Variants in NSD1 observed in about 807,000 individuals in gnomAD.
The protein encoded by NSD1 is histone-lysine N-methyltransferase, H3 lysine-36 specific.
A neutral mutation model predicts 242.7 loss-of-function variants in NSD1; 26 were observed. The observed-to-expected ratio is 0.11, with a 90% CI of 0.08 to 0.15. NSD1 has a LOEUF of 0.15. Among genes scored for constraint, NSD1 ranks in the 10% least tolerant of loss-of-function variants. The pLI, the probability that NSD1 is intolerant of heterozygous loss-of-function variation, is 1.00. For missense variants in NSD1, 2,495 were observed against 3,272.8 expected (o/e 0.76, Z 5.80); for synonymous variants, 1,106 against 1,178.1 (o/e 0.94, Z 1.25).
chr5:177,266,577 G>T, intron 14 of NSD1: 1 of 674,728 alleles, frequency 1.5e-6, no homozygotes, highest in Non-Finnish European at 2.2e-6. Context: ...TCACGACCTC[G>T]GCGGCCGCCA....
chr5:177,256,988 A>T lies in NSD1; in HGVS notation c.4803A>T (p.Glu1601Asp). ...HTCFVCKQSG[E>D]DVKRCLLPLC... The stretch of plus-strand genomic sequence containing the variant: ...GTTTTGTATGTAAGCAGAGTGGGGA[A>T]GATGTTAAAAGGTGCCTTCTACCCT... Residue 1601 changes from glutamate (E) to aspartate (D), a missense_variant, in exon 13 of 23, where the codon GAA becomes GAT. Coordinates refer to ENST00000439151, the MANE Select transcript of NSD1 (RefSeq NM_022455.5). 6.2e-7 allele frequency: 1 copy of T among 1,614,120 alleles called. No individual in the cohort carries two copies. Among genetic ancestry groups the T allele is most frequent in the Non-Finnish European group, 8.5e-7 (1 of 1,180,006 alleles).
chr5:177,253,024 A>G (rs1185485361), intron 12 of NSD1, among the ~76,000 whole-genome samples: 1 of 152,108 alleles, frequency 6.6e-6, no homozygotes, highest in Non-Finnish European at 1.5e-5. Context: ...GAGCTAGTCA[A>G]TATCTCTGAA....
chr5:177,139,827 G>C (rs1336079247), intron 2 of NSD1, among the ~76,000 whole-genome samples: 1 of 151,854 alleles, frequency 6.6e-6, no homozygotes, highest in African/African-American at 2.4e-5. Context: ...TGTAGTCCCA[G>C]CTACTCAGGA....
intron 2 of NSD1, among the ~76,000 whole-genome samples, chr5:177,186,406 A>G (rs1244418959): frequency 2.6e-5 from 4 of 152,098 alleles, no homozygotes; most frequent in Non-Finnish European, 4.4e-5. Context: ...TTCAATTTAC[A>G]TTAAAATAGC....
chr5:177,145,241 T>G (rs566418201), intron 2 of NSD1, among the ~76,000 whole-genome samples: 27 of 152,230 alleles, frequency 1.8e-4, no homozygotes, highest in Admixed American at 1.5e-3. Flanking sequence ...GGTTAATATG[T>G]TAAGACATCT....
chr5:177,284,864 G>C (rs976965493), intron 20 of NSD1, among the ~76,000 whole-genome samples: 2 of 152,154 alleles, frequency 1.3e-5, no homozygotes, highest in African/African-American at 4.8e-5. Flanking sequence ...TATTCAGGAG[G>C]CTGAGGCCAG....
At chr5:177,139,130 A>G (rs1756593899) in intron 2 of NSD1, among the ~76,000 whole-genome samples, 1 of 151,870 alleles carries the variant, frequency 6.6e-6, no homozygotes, top group South Asian at 2.1e-4. Flanking sequence ...AGGAGCCTGT[A>G]ATCTCAGCTA....
chr5:177,160,600 G>A (rs1173061701), intron 2 of NSD1, among the ~76,000 whole-genome samples: 2 of 151,966 alleles, frequency 1.3e-5, no homozygotes, highest in African/African-American at 2.4e-5. Context: ...ACTGTGCCCC[G>A]CCTGCAATTA....
At chr5:177,221,950 C>T (rs1029096026) in intron 5 of NSD1, among the ~76,000 whole-genome samples, 3 of 151,836 alleles carry the variant, frequency 2.0e-5, no homozygotes, top group Non-Finnish European at 4.4e-5. Flanking sequence ...GCTGGGACTA[C>T]AGGGTTGTGC....
At chr5:177,240,223 C>T (rs571547685) in intron 8 of NSD1, among the ~76,000 whole-genome samples, 3 of 152,048 alleles carry the variant, frequency 2.0e-5, no homozygotes, top group Non-Finnish European at 2.9e-5. Context: ...GCCGTGTCGT[C>T]GTAGCCCTTT....
In NSD1 at chr5:177,297,355, G is replaced by T. The variant is rs777181157; in HGVS notation, c.*1896G>T. Reference sequence around the variant, plus strand: ...TAAAGCATCTTATTTTCTTTTAAAAGAATTTTAAACCATGAAAAAGATATT... The same window carrying T: ...TAAAGCATCTTATTTTCTTTTAAAATAATTTTAAACCATGAAAAAGATATT... On this transcript the variant is annotated 3_prime_UTR_variant, in exon 23 of 23. Coordinates refer to ENST00000439151, the MANE Select transcript of NSD1 (RefSeq NM_022455.5). 4.3e-6 allele frequency: 1 copy of T among 230,008 alleles called. No individual in the cohort carries two copies. The highest frequency in any genetic ancestry group is 1.8e-4 in the South Asian group (1 of 5,480). The allele number at this position is 230,008 out of a possible 1,614,324, so 14.2% of individuals were successfully genotyped here.
chr5:177,224,552 A>T (rs1764491046), intron 5 of NSD1, among the ~76,000 whole-genome samples: 1 of 151,332 alleles, frequency 6.6e-6, no homozygotes, highest in South Asian at 2.1e-4. Context: ...ACTTTGCTGA[A>T]CTCATCTCTG....
At chr5:177,250,789 G>A (rs1292339539) in intron 11 of NSD1, among the ~76,000 whole-genome samples, 2 of 152,050 alleles carry the variant, frequency 1.3e-5, no homozygotes, top group Non-Finnish European at 2.9e-5. Flanking sequence ...TTTTATTTAA[G>A]CTTTGATTCT....
intron 2 of NSD1, among the ~76,000 whole-genome samples, chr5:177,188,681 A>AT (rs1278417783): frequency 1.3e-5 from 2 of 152,010 alleles, no homozygotes; most frequent in East Asian, 1.9e-4. Flanking sequence ...TAATAGCATA[A>AT]TTTTTTTTGG....
At chr5:177,189,158 C>A (rs1196968498) in intron 2 of NSD1, among the ~76,000 whole-genome samples, 5 of 152,120 alleles carry the variant, frequency 3.3e-5, no homozygotes, top group African/African-American at 1.2e-4. Context: ...ATACTGGGAG[C>A]TGAATTACTA....
chr5:177,211,383 T>A lies in NSD1; in HGVS notation c.2984T>A (p.Leu995Gln). ...SALSGELSAS[L>Q]PGLLSDKRDL... ...TTATCTGGCGAGTTGTCTGCTTCCCTACCTGGCTTACTGTCCGACAAGAGA... is the reference window on the plus strand; with the variant it reads ...TTATCTGGCGAGTTGTCTGCTTCCCAACCTGGCTTACTGTCCGACAAGAGA... Residue 995 changes from leucine to glutamine, a missense_variant, in exon 5 of 23, where the codon CTA becomes CAA. Transcript: ENST00000439151. 6.2e-7 allele frequency: 1 copy of A among 1,614,160 alleles called. No homozygotes were observed. The highest frequency in any genetic ancestry group is 2.2e-5 in the East Asian group (1 of 44,886).
At chr5:177,239,598 A>G (rs1424183674) in intron 7 of NSD1, among the ~76,000 whole-genome samples, 158 bp from the exon 8 acceptor site, 4 of 152,232 alleles carry the variant, frequency 2.6e-5, no homozygotes, top group Non-Finnish European at 5.9e-5. Flanking sequence ...GTTTACTAAT[A>G]TTTTATAATA....
chr5:177,164,050 A>G (rs961098197), intron 2 of NSD1, among the ~76,000 whole-genome samples: 1 of 151,540 alleles, frequency 6.6e-6, no homozygotes, highest in Non-Finnish European at 1.5e-5. Context: ...GATTACTTGT[A>G]TTTCTGGTCT....
intron 2 of NSD1, among the ~76,000 whole-genome samples, chr5:177,158,067 A>G (rs1436160457): frequency 6.6e-6 from 1 of 152,160 alleles, no homozygotes; most frequent in Non-Finnish European, 1.5e-5. Flanking sequence ...GAAAATTTGT[A>G]TTAAAGTTTT....
Sources: allele counts gnomAD v4.1 joint callset (sites outside exome capture counted in the v4.1 genomes callset), GRCh38; gene constraint gnomAD v4.1.1; transcripts MANE v1.5; gene names NCBI Gene and HGNC (gene_info 2026-07-23, HGNC 2026-07-21).